Variants in PIAS2 observed in about 807,000 individuals in gnomAD.
PIAS2 encodes E3 SUMO-protein ligase PIAS2.
Under a neutral mutation model 69.7 loss-of-function variants are expected in PIAS2, and 19 were observed. The observed-to-expected ratio is 0.27, with a 90% CI of 0.19 to 0.40. The LOEUF is 0.40. Ranked by LOEUF, PIAS2 falls within the 10% of genes least tolerant of loss-of-function variation. The probability of loss-of-function intolerance (pLI) is 1.00; values close to 1 mark genes in which losing one functional copy is unlikely to be tolerated. For missense variants in PIAS2, 624 were observed against 757.0 expected (o/e 0.82, Z 2.06); for synonymous variants, 261 against 263.2 (o/e 0.99, Z 0.08).
chr18:46,897,827 T>C (rs1304541525), intron 1 of PIAS2, among the ~76,000 whole-genome samples: 1 of 152,100 alleles, frequency 6.6e-6, no homozygotes, highest in African/African-American at 2.4e-5. Flanking sequence ...GTTCTGTCAT[T>C]TGACAGTATT....
chr18:46,860,780 T>C (rs1384021213), intron 3 of PIAS2, among the ~76,000 whole-genome samples: 1 of 152,074 alleles, frequency 6.6e-6, no homozygotes, highest in African/African-American at 2.4e-5. Context: ...TGTCTGAGAC[T>C]AGCCGAGGCA....
chr18:46,829,900 T>C, intron 9 of PIAS2, 33 bp from the exon 10 acceptor site: 1 of 1,587,482 alleles, frequency 6.3e-7, no homozygotes, highest in African/African-American at 1.4e-5. Flanking sequence ...ATACATGTGA[T>C]CAACAGCTTT....
intron 2 of PIAS2, among the ~76,000 whole-genome samples, chr18:46,885,017 T>A (rs1032527626): frequency 1.2e-4 from 19 of 152,300 alleles, no homozygotes; most frequent in Admixed American, 8.5e-4. Flanking sequence ...TTTTGCTAGT[T>A]TGTTTTTAGA....
intron 1 of PIAS2, among the ~76,000 whole-genome samples, chr18:46,895,482 C>T (rs1306686022): frequency 1.3e-5 from 2 of 152,034 alleles, no homozygotes; most frequent in African/African-American, 2.4e-5. Context: ...AACAGCCAGG[C>T]CAAAAAGGCA....
rs2041010422 is a variant in PIAS2 at position 46,811,674 on chromosome 18, A to G, written c.*759T>C. ...AGAATGAAAAATGTACAATTACTAA[A>G]AACATAATAACACACTTTATGTCAG... On this transcript the variant is annotated 3_prime_UTR_variant, in exon 14 of 14. Transcript: ENST00000585916. 6.6e-6 allele frequency: 1 copy of G among 152,200 alleles called. No homozygotes were observed. The highest frequency in any genetic ancestry group is 1.5e-5 in the Non-Finnish European group (1 of 68,038). The allele number at this position is 152,200 out of a possible 1,614,324, so 9.4% of individuals were successfully genotyped here.
intron 2 of PIAS2, among the ~76,000 whole-genome samples, chr18:46,868,526 A>C (rs1883990200): frequency 6.6e-6 from 1 of 152,112 alleles, no homozygotes; most frequent in South Asian, 2.1e-4. Flanking sequence ...ATTCAATTTT[A>C]AATGGTAGCC....
chr18:46,816,252 G>A (rs1568340633), intron 12 of PIAS2: 2 of 981,244 alleles, frequency 2.0e-6, no homozygotes, highest in Non-Finnish European at 2.4e-6. Context: ...CTGACATTAT[G>A]CTTTTATGCA....
At chr18:46,913,341 C>T (rs2057461910) in intron 1 of PIAS2, among the ~76,000 whole-genome samples, 1 of 152,126 alleles carries the variant, frequency 6.6e-6, no homozygotes, top group African/African-American at 2.4e-5. Context: ...GCATGAAAGA[C>T]CCAAATCTGA....
chr18:46,808,010 A>G lies in PIAS2; in HGVS notation c.*4423T>C. ...AAGAAAATAATTTATACACAAAGAC[A>G]TTCATTGTGGCATTATGAGATATAA... is the stretch of plus-strand genomic sequence containing the variant. On this transcript the variant is annotated 3_prime_UTR_variant, in exon 14 of 14. Coordinates refer to ENST00000585916, the MANE Select transcript of PIAS2 (RefSeq NM_004671.5). 1 of 152,236 alleles carries G rather than the reference A, an allele frequency of 6.6e-6. No individual in the cohort carries two copies. The highest frequency in any genetic ancestry group is 1.9e-4 in the East Asian group (1 of 5,198). The allele number at this position is 152,236 out of a possible 1,614,324, so 9.4% of individuals were successfully genotyped here. A position where few individuals can be genotyped will look rare whatever the true frequency, so the allele number is the denominator to read the frequency against.
chr18:46,866,115 A>G (rs2049411062), intron 2 of PIAS2, among the ~76,000 whole-genome samples: 1 of 152,248 alleles, frequency 6.6e-6, no homozygotes, highest in Non-Finnish European at 1.5e-5. Flanking sequence ...TGGAGAACTA[A>G]AAGAAGAGAG....
intron 12 of PIAS2, 79 bp downstream of exon 12, chr18:46,820,854 C>G: frequency 7.1e-7 from 1 of 1,405,328 alleles, no homozygotes. Flanking sequence ...AATTTCAAAA[C>G]TATACTGGCT....
rs1425364343 is a variant in PIAS2, at chr18:46,808,362, A to G, written c.*4071T>C. 1 of 152,232 alleles carries G rather than the reference A, an allele frequency of 6.6e-6. No homozygotes were observed. The highest frequency in any genetic ancestry group is 1.5e-5 in the Non-Finnish European group (1 of 68,036). The allele number at this position is 152,232 out of a possible 1,614,324, so 9.4% of individuals were successfully genotyped here. A position where few individuals can be genotyped will look rare whatever the true frequency, so the allele number is the denominator to read the frequency against. ...CATGTACTACTGACATAAACAGAAA[A>G]AACAAACATTATTCAACCAGGCAAG... On this transcript the variant is annotated 3_prime_UTR_variant, in exon 14 of 14. Coordinates refer to ENST00000585916, the MANE Select transcript of PIAS2 (RefSeq NM_004671.5).
At chr18:46,915,599 G>A (rs2057736275) in intron 1 of PIAS2, 3 of 152,114 alleles carry the variant, frequency 2.0e-5, no homozygotes, top group Admixed American at 2.0e-4. Flanking sequence ...AAAACAGAGA[G>A]GAAGGCAGAA....
chr18:46,833,926 G>C (rs574383901), intron 9 of PIAS2, among the ~76,000 whole-genome samples: 1 of 152,214 alleles, frequency 6.6e-6, no homozygotes, highest in African/African-American at 2.4e-5. Flanking sequence ...ACCTTAATGG[G>C]ATCACCTATT....
At chr18:46,912,890 G>A (rs543027015) in intron 1 of PIAS2, among the ~76,000 whole-genome samples, 2 of 152,196 alleles carry the variant, frequency 1.3e-5, no homozygotes, top group African/African-American at 4.8e-5. Context: ...TATGAGAAAT[G>A]GAAATGAGAG....
At chr18:46,844,260 A>G (rs2045848488) in intron 7 of PIAS2, 133 bp from the exon 8 acceptor site, 1 of 411,548 alleles carries the variant, frequency 2.4e-6, no homozygotes, top group East Asian at 3.7e-5. Context: ...CACTCCCAAT[A>G]TAAGTTAAAG....
intron 2 of PIAS2, among the ~76,000 whole-genome samples, chr18:46,876,306 A>G (rs2051178725): frequency 6.6e-6 from 1 of 152,236 alleles, no homozygotes. Context: ...GAGTCCCGAG[A>G]GGAGTGCCAG....
rs758941621 is a variant in PIAS2 at position 46,917,350 on chromosome 18, T to C, written c.-5A>G. 13 of 1,466,540 alleles carry C rather than the reference T, an allele frequency of 8.9e-6. No homozygotes were observed. In the South Asian group the frequency reaches 1.6e-4, roughly 18 times the overall value. 90.8% of individuals were successfully genotyped at this position (1,466,540 alleles called of 1,614,324 possible). A position where few individuals can be genotyped will look rare whatever the true frequency, so the allele number is the denominator to read the frequency against. On this transcript the variant is annotated 5_prime_UTR_variant, in exon 1 of 14. Transcript: ENST00000585916. ...CAACTCTTCGAAATCCGCCATTTTA[T>C]ACCACCCGCGGGCGCCGCCGCCGCT...
rs140646377 is a variant in PIAS2 at position 46,908,966 on chromosome 18, G to A, written c.24+8356C>T. Among the ~76,000 whole-genome samples, 150 of 152,188 alleles carry A rather than the reference G, an allele frequency of 9.9e-4. 2 individuals are homozygous for A. In the East Asian group the frequency reaches 0.013, roughly 14 times the overall value. ...GGAGGGTGCAGTAAACTGAGATCAC[G>A]CCACTGCACTCCAGCCAGGGCTACA... is the stretch of plus-strand genomic sequence containing the variant. On this transcript the variant is annotated intron_variant, in intron 1 of 13. Coordinates refer to ENST00000585916, the MANE Select transcript of PIAS2 (RefSeq NM_004671.5).
Sources: gnomAD v4.1 joint callset for allele counts (sites outside exome capture counted in the v4.1 genomes callset) on GRCh38, gnomAD v4.1.1 for gene constraint, MANE v1.5 for transcripts, NCBI Gene and HGNC (gene_info 2026-07-23, HGNC 2026-07-21) for gene names.